The following ADGRB3 variants were observed in gnomAD, a reference collection of about 807,000 sequenced individuals.
ADGRB3 encodes the protein brain-specific angiogenesis inhibitor 3.
A neutral mutation model predicts 193.4 loss-of-function variants in ADGRB3; 37 were observed. The observed-to-expected ratio is 0.19, with a 90% CI of 0.15 to 0.25. ADGRB3 has a LOEUF of 0.25. Among genes scored for constraint, ADGRB3 ranks in the 10% least tolerant of loss-of-function variants. The pLI, the probability that ADGRB3 is intolerant of heterozygous loss-of-function variation, is 1.00. For synonymous variants in ADGRB3, 690 were observed against 644.2 expected, an observed-to-expected ratio of 1.07 and a Z score of -1.08; for missense variants, 1,637 against 1,852.9, an observed-to-expected ratio of 0.88 and a Z score of 2.14.
Position 68,898,602 on chromosome 6 carries a change from C to T in ADGRB3, c.758-31957C>T, listed in dbSNP as rs538450086. ...TGGAGTTAGAACATGACTCCCCAAC[C>T]CTTAGACATGGACTTCACATAGTGA... On this transcript the variant is annotated intron_variant, in intron 3 of 31. Coordinates refer to ENST00000370598, the MANE Select transcript of ADGRB3 (RefSeq NM_001704.3). Among the ~76,000 whole-genome samples, 591 of 152,194 alleles carry T rather than the reference C, an allele frequency of 3.9e-3. 5 individuals carry two copies. The highest frequency in any genetic ancestry group is 0.013 in the African/African-American group (550 of 41,542).
intron 17 of ADGRB3, among the ~76,000 whole-genome samples, chr6:69,155,925 A>G (rs1009038875): frequency 1.3e-5 from 2 of 152,220 alleles, no homozygotes; most frequent in Non-Finnish European, 2.9e-5. Flanking sequence ...TGATACAGCA[A>G]TATGACTGTG....
At chr6:69,360,767 A>G (rs1413208468) in intron 28 of ADGRB3, 102 bp from the exon 29 acceptor site, 2 of 1,205,102 alleles carry the variant, frequency 1.7e-6, no homozygotes, top group Admixed American at 5.1e-5. Context: ...CTACCAAATA[A>G]TATATCTTTA....
chr6:69,205,490 T>A (rs1765519710), intron 17 of ADGRB3, among the ~76,000 whole-genome samples: 1 of 152,082 alleles, frequency 6.6e-6, no homozygotes, highest in Non-Finnish European at 1.5e-5. Context: ...TCTTAGTCAA[T>A]TTTCTATACC....
chr6:68,874,555 A>T (rs73747814), intron 3 of ADGRB3, among the ~76,000 whole-genome samples: 4,238 of 152,194 alleles, frequency 0.028, 203 homozygotes, highest in African/African-American at 0.095. Context: ...TAAGCTTCAA[A>T]TTTGGTAAAA....
intron 17 of ADGRB3, among the ~76,000 whole-genome samples, chr6:69,084,572 A>C (rs1338375967): frequency 1.3e-5 from 2 of 152,164 alleles, no homozygotes; most frequent in African/African-American, 4.8e-5. Context: ...AAAATAAATA[A>C]TATTTTTCAA....
intron 5 of ADGRB3, among the ~76,000 whole-genome samples, chr6:68,941,516 C>T (rs1767641317): frequency 6.6e-6 from 1 of 151,698 alleles, no homozygotes; most frequent in Non-Finnish European, 1.5e-5. Flanking sequence ...GGAAAATATG[C>T]CAATTTAGCA....
At chr6:68,680,468 T>G (rs1764875128) in intron 3 of ADGRB3, among the ~76,000 whole-genome samples, 1 of 152,086 alleles carries the variant, frequency 6.6e-6, no homozygotes, top group African/African-American at 2.4e-5. Flanking sequence ...GCTATGCACT[T>G]TGGTAACGGC....
At chr6:68,880,892 G>A (rs982300999) in intron 3 of ADGRB3, among the ~76,000 whole-genome samples, 7 of 152,016 alleles carry the variant, frequency 4.6e-5, no homozygotes, top group African/African-American at 1.7e-4. Context: ...TAAAAAAGAG[G>A]CCAAGGAATA....
At position 68,934,010 on chromosome 6, in the gene ADGRB3, A is replaced by G. The variant is rs191358610; in HGVS notation, c.869-2509A>G. Among the ~76,000 whole-genome samples the G allele has an allele frequency of 5.9e-5, 9 of 152,274 alleles. No homozygotes were observed. In the East Asian group the frequency reaches 7.7e-4, roughly 13 times the overall value. On this transcript the variant is annotated intron_variant, in intron 4 of 31. Transcript: ENST00000370598. ...ATTGAATATTTTTAACATCTTTCTTATAATGTATATTAGTTATTCTCACAA... is the reference window on the plus strand; with the variant it reads ...ATTGAATATTTTTAACATCTTTCTTGTAATGTATATTAGTTATTCTCACAA...
intron 17 of ADGRB3, among the ~76,000 whole-genome samples, chr6:69,209,660 T>C (rs1182658017): frequency 6.6e-6 from 1 of 152,244 alleles, no homozygotes; most frequent in Non-Finnish European, 1.5e-5. Flanking sequence ...AAAGGAGTAT[T>C]GCTGGCCTTG....
chr6:68,895,964 A>C lies in ADGRB3; in HGVS notation c.758-34595A>C, dbSNP rs111320722. 1.9e-3 allele frequency among the ~76,000 whole-genome samples: 295 copies of C among 152,214 alleles called. 2 individuals carry two copies. The highest frequency in any genetic ancestry group is 6.6e-3 in the African/African-American group (274 of 41,576). Reference sequence around the variant, plus strand: ...GTAGAGAGTGAGAGGCAAAGCAAAAAACAGTGGTATTTCTTTGTGTGGGTT... The same window carrying C: ...GTAGAGAGTGAGAGGCAAAGCAAAACACAGTGGTATTTCTTTGTGTGGGTT... On this transcript the variant is annotated intron_variant, in intron 3 of 31. Transcript: ENST00000370598.
intron 11 of ADGRB3, among the ~76,000 whole-genome samples, chr6:69,000,657 TA>T: frequency 6.6e-6 from 1 of 152,312 alleles, no homozygotes; most frequent in Non-Finnish European, 1.5e-5. Flanking sequence ...TTGGTTATAA[TA>T]TAAGGGTTAA....
chr6:68,843,777 A>G (rs1423199043), intron 3 of ADGRB3, among the ~76,000 whole-genome samples: 1 of 152,196 alleles, frequency 6.6e-6, no homozygotes, highest in Non-Finnish European at 1.5e-5. Flanking sequence ...AAATTAAACT[A>G]CAGAGCTATA....
chr6:69,007,699 A>T (rs62418308), intron 11 of ADGRB3, among the ~76,000 whole-genome samples: 14,013 of 87,310 alleles, frequency 0.16, 725 homozygotes, highest in Middle Eastern at 0.36. Context: ...TCTCTCACAC[A>T]CACACACACA....
At chr6:69,108,894 G>C (rs1332668892) in intron 17 of ADGRB3, among the ~76,000 whole-genome samples, 1 of 152,134 alleles carries the variant, frequency 6.6e-6, no homozygotes, top group African/African-American at 2.4e-5. Flanking sequence ...TTCTGAGCTA[G>C]GAAACTTTAA....
intron 20 of ADGRB3, among the ~76,000 whole-genome samples, chr6:69,310,011 T>C (rs1178949395): frequency 6.6e-6 from 1 of 151,672 alleles, no homozygotes; most frequent in East Asian, 1.9e-4. Context: ...TCTCTCCTTC[T>C]TCCTCTACAC....
At chr6:69,291,762 G>T (rs1292688090) in intron 20 of ADGRB3, among the ~76,000 whole-genome samples, 1 of 151,954 alleles carries the variant, frequency 6.6e-6, no homozygotes, top group Non-Finnish European at 1.5e-5. Context: ...ATGGTACATT[G>T]GCATATTAAC....
rs1166591393 is a variant in ADGRB3 at position 69,343,549 on chromosome 6, T to G, written c.3459+4045T>G. On this transcript the variant is annotated intron_variant, in intron 26 of 31. Coordinates refer to ENST00000370598, the MANE Select transcript of ADGRB3 (RefSeq NM_001704.3). ...ACTCTGTCCTGCCAAATCAATTATATTACACTAAAAAAATTTGGAATGTTT... is the reference window on the plus strand; with the variant it reads ...ACTCTGTCCTGCCAAATCAATTATAGTACACTAAAAAAATTTGGAATGTTT... Among the ~76,000 whole-genome samples, 4 of 152,282 alleles carry G rather than the reference T, an allele frequency of 2.6e-5. No individual in the cohort carries two copies. In the East Asian group the frequency reaches 7.7e-4, roughly 29 times the overall value.
At chr6:69,000,550 A>G (rs1354218391) in intron 11 of ADGRB3, among the ~76,000 whole-genome samples, 1 of 152,234 alleles carries the variant, frequency 6.6e-6, no homozygotes, top group Non-Finnish European at 1.5e-5. Context: ...ATACTACTTC[A>G]GCACCATTCT....
Sources: gnomAD v4.1 joint callset for allele counts (sites outside exome capture counted in the v4.1 genomes callset) on GRCh38, gnomAD v4.1.1 for gene constraint, MANE v1.5 for transcripts, NCBI Gene and HGNC (gene_info 2026-07-23, HGNC 2026-07-21) for gene names.